Variants in FLYWCH1 observed in about 807,000 individuals in gnomAD.
The protein encoded by FLYWCH1 is FLYWCH-type zinc finger-containing protein 1.
A neutral mutation model predicts 66.4 loss-of-function variants in FLYWCH1; 75 were observed. That is an observed-to-expected ratio of 1.13 (90% CI 0.94 to 1.37). FLYWCH1 has a LOEUF of 1.37. FLYWCH1 is among the 40% of genes most tolerant of loss of function. The pLI, the probability that FLYWCH1 is intolerant of heterozygous loss-of-function variation, is 0.00. For synonymous variants in FLYWCH1, 595 were observed against 429.9 expected (o/e 1.38, Z -4.75); for missense variants, 1,334 against 1,001.8 (o/e 1.33, Z -4.48).
At chr16:2,942,172 G>A (rs77638275) in intron 9 of FLYWCH1, among the ~76,000 whole-genome samples, 1 of 152,072 alleles carries the variant, frequency 6.6e-6, no homozygotes, top group Non-Finnish European at 1.5e-5. Context: ...CAGGAATAAA[G>A]ATGAGACCTT....
chr16:2,935,922 T>C (rs2070979267), intron 6 of FLYWCH1: 1 of 153,762 alleles, frequency 6.5e-6, no homozygotes, highest in Non-Finnish European at 1.4e-5. Context: ...GTCTTTTTTT[T>C]TTTTTTGAGA....
intron 2 of FLYWCH1, chr16:2,923,004 G>A (rs1034699825): frequency 1.9e-5 from 9 of 483,030 alleles, no homozygotes; most frequent in East Asian, 5.6e-5. Flanking sequence ...GGTGACGCGC[G>A]GATCTTTTTT....
intron 6 of FLYWCH1, 100 bp from the exon 7 acceptor site, chr16:2,937,021 G>T: frequency 7.4e-7 from 1 of 1,345,338 alleles, no homozygotes; most frequent in African/African-American, 1.5e-5. Flanking sequence ...TCACTGTGAG[G>T]AGGAGGTGTG....
chr16:2,940,252 C>T (rs987490171), intron 9 of FLYWCH1, 160 bp downstream of exon 9: 16 of 555,992 alleles, frequency 2.9e-5, no homozygotes, highest in African/African-American at 1.9e-4. Flanking sequence ...ATTTGTCAGC[C>T]AGGGTGGCAG....
intron 6 of FLYWCH1, chr16:2,936,285 T>TG: frequency 2.5e-6 from 1 of 400,826 alleles, no homozygotes. Context: ...TCCCGTGGCC[T>TG]GGCGTCCCCA....
chr16:2,927,260 G>A (rs1156291580), intron 2 of FLYWCH1, among the ~76,000 whole-genome samples: 3 of 152,168 alleles, frequency 2.0e-5, no homozygotes, highest in Non-Finnish European at 4.4e-5. Context: ...CACTGCACGC[G>A]ATCATTGATG....
chr16:2,936,221 T>C (rs1202476035), intron 6 of FLYWCH1: 2 of 352,970 alleles, frequency 5.7e-6, no homozygotes, highest in Admixed American at 7.5e-5. Flanking sequence ...CCTTGCTGGA[T>C]ATTTTCATCC....
intron 6 of FLYWCH1, chr16:2,935,375 G>T (rs2070955736): frequency 6.6e-6 from 1 of 152,336 alleles, no homozygotes; most frequent in Admixed American, 6.6e-5. Flanking sequence ...GACCCCACCT[G>T]GATCCGATCA....
Position 2,933,436 on chromosome 16 carries a change from G to T in FLYWCH1, c.1103G>T (p.Gly368Val). The change falls in exon 5 of 10, where the codon GGC becomes GTC. Residue 368 changes from glycine to valine, a missense_variant. Gly to Val is a moderately radical substitution (Grantham distance 109, BLOSUM62 -3). Transcript: ENST00000253928. ...PGSQVDTLLR[G>V]VDSLLYRRGP... Reference sequence around the variant, plus strand: ...AGCCAAGTGGACACGCTGCTCCGAGGCGTGGATAGTTTGCTCTACCGCAGG... The same window carrying T: ...AGCCAAGTGGACACGCTGCTCCGAGTCGTGGATAGTTTGCTCTACCGCAGG... The T allele has an allele frequency of 2.5e-6, 4 of 1,601,174 alleles. No individual in the cohort carries two copies. Among genetic ancestry groups the T allele is most frequent in the Non-Finnish European group, 3.4e-6 (4 of 1,174,728 alleles).
intron 9 of FLYWCH1, among the ~76,000 whole-genome samples, chr16:2,945,059 C>A (rs925329603): frequency 6.6e-6 from 1 of 150,826 alleles, no homozygotes; most frequent in Non-Finnish European, 1.5e-5. Flanking sequence ...GCAAAAAATT[C>A]AAATCCTTGG....
At chr16:2,921,893 C>G (rs113625958) in intron 2 of FLYWCH1, among the ~76,000 whole-genome samples, 1 of 151,578 alleles carries the variant, frequency 6.6e-6, no homozygotes. Flanking sequence ...GAAACCCCAT[C>G]TCTACTAAAA....
intron 2 of FLYWCH1, among the ~76,000 whole-genome samples, chr16:2,927,282 C>T (rs59008953): frequency 3.9e-5 from 6 of 152,154 alleles, no homozygotes; most frequent in Non-Finnish European, 5.9e-5. Context: ...AGCTAGAAAA[C>T]AGGGAGATCT....
At chr16:2,924,616 C>G (rs139113144) in intron 2 of FLYWCH1, among the ~76,000 whole-genome samples, 3,263 of 152,248 alleles carry the variant, frequency 0.021, 53 homozygotes, top group Non-Finnish European at 0.034. Flanking sequence ...GCCCGTGAGG[C>G]GTGGGAATGT....
At chr16:2,948,104 G>A (rs1198415480) in intron 9 of FLYWCH1, among the ~76,000 whole-genome samples, 7 of 152,152 alleles carry the variant, frequency 4.6e-5, no homozygotes, top group Non-Finnish European at 2.9e-5. Flanking sequence ...AGGCTTGGGT[G>A]TGATGGCCTG....
chr16:2,922,230 C>CGTGTGTGTGT (rs3066612), intron 2 of FLYWCH1: 1 of 149,992 alleles, frequency 6.7e-6, no homozygotes, highest in African/African-American at 2.5e-5. Context: ...ACAGATGGCT[C>CGTGTGTGTGT]GTGTGTGTGT....
intron 9 of FLYWCH1, among the ~76,000 whole-genome samples, chr16:2,942,720 CTTT>C (rs34247000): frequency 8.5e-5 from 7 of 82,788 alleles, no homozygotes; most frequent in Admixed American, 1.6e-4. Context: ...CATCTGGGAA[CTTT>C]TTTTTTTTTT....
At chr16:2,924,081 A>C (rs941889308) in intron 2 of FLYWCH1, among the ~76,000 whole-genome samples, 4 of 152,154 alleles carry the variant, frequency 2.6e-5, no homozygotes, top group Non-Finnish European at 4.4e-5. Context: ...CGGTAATCCC[A>C]GTACTTTGGG....
chr16:2,942,991 C>T (rs2071335848), intron 9 of FLYWCH1, among the ~76,000 whole-genome samples: 1 of 152,130 alleles, frequency 6.6e-6, no homozygotes, highest in Admixed American at 6.6e-5. Context: ...CATGAGCCAC[C>T]ACGCCCAGCT....
intron 2 of FLYWCH1, among the ~76,000 whole-genome samples, chr16:2,917,449 G>T (rs960147874): frequency 6.6e-6 from 1 of 151,598 alleles, no homozygotes; most frequent in African/African-American, 2.4e-5. Flanking sequence ...GGCTGGTTTC[G>T]AACTCCTGAC....
Sources: gnomAD v4.1 joint callset for allele counts (sites outside exome capture counted in the v4.1 genomes callset) on GRCh38, gnomAD v4.1.1 for gene constraint, MANE v1.5 for transcripts, NCBI Gene and HGNC (gene_info 2026-07-23, HGNC 2026-07-21) for gene names.